The following TRPM2 variants were observed in gnomAD, a reference collection of about 807,000 sequenced individuals.
TRPM2 encodes the protein transient receptor potential cation channel subfamily M member 2.
Under a neutral mutation model 174.0 loss-of-function variants are expected in TRPM2, and 161 were observed. The observed-to-expected ratio is 0.93, with a 90% CI of 0.81 to 1.05. The LOEUF (loss-of-function observed/expected upper bound fraction) is 1.05, where lower values mean the gene tolerates loss of function less well. Ranked by LOEUF, TRPM2 falls within the 50% of genes least tolerant of loss-of-function variation. The pLI is 0.00. For synonymous variants in TRPM2, 954 were observed against 861.3 expected (o/e 1.11, Z -1.88); for missense variants, 2,057 against 2,038.0 (o/e 1.01, Z -0.18).
intron 15 of TRPM2, among the ~76,000 whole-genome samples, chr21:44,401,191 C>T (rs887484847): frequency 3.3e-5 from 5 of 152,134 alleles, no homozygotes; most frequent in Non-Finnish European, 5.9e-5. Flanking sequence ...CCCGTTCCAG[C>T]GGCCCGGGGA....
chr21:44,417,405 G>A, intron 20 of TRPM2, among the ~76,000 whole-genome samples: 1 of 84,142 alleles, frequency 1.2e-5, no homozygotes, highest in Non-Finnish European at 2.3e-5. Flanking sequence ...TCTGCTCTCT[G>A]TGGCATCACA....
rs760177207 is a variant in TRPM2, at chr21:44,418,125, G to A, written c.3328+17G>A. 1 of 1,602,118 alleles carries A rather than the reference G, an allele frequency of 6.2e-7. No individual in the cohort carries two copies. Among genetic ancestry groups the A allele is most frequent in the Non-Finnish European group, 8.5e-7 (1 of 1,173,780 alleles). On this transcript the variant is annotated intron_variant, in intron 21 of 31. Transcript: ENST00000397928. ...AGCAGCTCAGTATGCCAGCCCCAGT[G>A]CCTCTCCTGAATGTCCTGGCCACCC...
Position 44,364,269 on chromosome 21 carries a change from A to G in TRPM2, c.410A>G (p.Gln137Arg). The G allele has an allele frequency of 6.2e-7, 1 of 1,614,176 alleles. No homozygotes were observed. The highest frequency in any genetic ancestry group is 1.1e-5 in the South Asian group (1 of 91,082). ...FGDIVFTGLS[Q>R]KVKKYVRVSQ... ...GACATCGTCTTCACGGGCCTGAGCC[A>G]GAAGGTGAAAAAGGTTGGTTTCCAT... The change falls in exon 3 of 32, where the codon CAG (glutamine) becomes CGG (arginine). Residue 137 changes from glutamine to arginine, a missense_variant. Transcript: ENST00000397928.
At chr21:44,389,936 G>A (rs568392182) in intron 9 of TRPM2, among the ~76,000 whole-genome samples, 5 of 149,902 alleles carry the variant, frequency 3.3e-5, no homozygotes, top group Non-Finnish European at 7.4e-5. Context: ...GCAGTGGCGC[G>A]ATCTCGGATC....
chr21:44,353,911 G>A lies in TRPM2; in HGVS notation c.165+46G>A, dbSNP rs1371462480. ...CCTGCAGTTGGCACGTGGCCACGGA[G>A]GTCACCGTTGGGCAGGTCATAGCTT... On this transcript the variant is annotated intron_variant, in intron 1 of 31. Coordinates refer to ENST00000397928, the MANE Select transcript of TRPM2 (RefSeq NM_003307.4). 6 of 1,578,058 alleles carry A rather than the reference G, an allele frequency of 3.8e-6. No homozygotes were observed. The East Asian group carries it at 7.1e-5, about 19-fold the overall frequency.
intron 26 of TRPM2, 45 bp downstream of exon 26, chr21:44,426,781 A>C: frequency 6.3e-7 from 1 of 1,597,898 alleles, no homozygotes; most frequent in Non-Finnish European, 8.6e-7. Context: ...CCCCAAACCC[A>C]GGGCCTCCTA....
chr21:44,375,801 A>G (rs2048680004), intron 5 of TRPM2, 32 bp from the exon 6 acceptor site: 1 of 1,588,652 alleles, frequency 6.3e-7, no homozygotes, highest in South Asian at 1.1e-5. Context: ...AGCTTTCCAG[A>G]AGCAGTGTCT....
chr21:44,371,828 T>C (rs2048550067), intron 5 of TRPM2, among the ~76,000 whole-genome samples: 1 of 152,192 alleles, frequency 6.6e-6, no homozygotes, highest in Non-Finnish European at 1.5e-5. Context: ...AGGCAAAATA[T>C]GTTCACACCA....
chr21:44,441,804 G>C lies in TRPM2; in HGVS notation c.4499G>C (p.Gly1500Ala), dbSNP rs1290493135. The C allele has an allele frequency of 6.2e-7, 1 of 1,608,996 alleles. No homozygotes were observed. Among genetic ancestry groups the C allele is most frequent in the Admixed American group, 1.7e-5 (1 of 59,544 alleles). Residue 1500 changes from glycine to alanine, a missense_variant, in exon 32 of 32, where the codon GGG becomes GCG. By Grantham distance (60) the Gly-to-Ala change is moderately conservative (BLOSUM62 0). Transcript: ENST00000397928. ...TLLQKAAAEFGAHY is the reference protein window; with the variant it reads ...TLLQKAAAEFAAHY ...CTCCAGAAGGCAGCCGCTGAGTTCG[G>C]GGCTCACTACTGACTGTGCCCTCAG...
chr21:44,406,857 C>A, intron 19 of TRPM2, 92 bp downstream of exon 19: 1 of 1,479,100 alleles, frequency 6.8e-7, no homozygotes, highest in South Asian at 1.2e-5. Flanking sequence ...GTGAGGCCGG[C>A]TCCATCAGGG....
intron 29 of TRPM2, among the ~76,000 whole-genome samples, chr21:44,437,706 A>G (rs1291188479): frequency 6.6e-6 from 1 of 152,182 alleles, no homozygotes; most frequent in Non-Finnish European, 1.5e-5. Context: ...GCACCCCAGC[A>G]TCTTGTGGGG....
At chr21:44,428,611 TAGGTCTGGCCCCTC>T (rs2050904908) in intron 27 of TRPM2, among the ~76,000 whole-genome samples, 1 of 132,836 alleles carries the variant, frequency 7.5e-6, no homozygotes, top group Admixed American at 7.5e-5. Flanking sequence ...CTCCTCCCCT[TAGGTCTGGCCCCTC>T]CCCTGAGGTG....
At position 44,414,017 on chromosome 21, in the gene TRPM2, G is replaced by T; in HGVS notation, c.3089G>T (p.Cys1030Phe). The change falls in exon 20 of 32, where the codon TGC (cysteine) becomes TTC (phenylalanine). Residue 1030 changes from cysteine to phenylalanine, a missense_variant. Physicochemically the swap from Cys to Phe is radical, Grantham distance 205. Transcript: ENST00000397928. ...GAGTGGCTGACGGTCCTCCTACTCT[G>T]CCTCTACCTGCTCTTCACCAACATC... The part of the protein sequence containing the change: ...FPEWLTVLLL[C>F]LYLLFTNILL... The T allele has an allele frequency of 6.2e-7, 1 of 1,613,620 alleles. No individual in the cohort carries two copies. The highest frequency in any genetic ancestry group is 8.5e-7 in the Non-Finnish European group (1 of 1,180,002).
intron 27 of TRPM2, among the ~76,000 whole-genome samples, chr21:44,434,638 G>A (rs1194475076): frequency 6.6e-6 from 1 of 152,148 alleles, no homozygotes; most frequent in African/African-American, 2.4e-5. Flanking sequence ...GGCTCCTGCT[G>A]CCCGTGGTTA....
intron 9 of TRPM2, among the ~76,000 whole-genome samples, chr21:44,389,873 A>AAT (rs2049120374): frequency 7.2e-6 from 1 of 139,342 alleles, no homozygotes; most frequent in African/African-American, 2.7e-5. Flanking sequence ...GAGGCTTAAA[A>AAT]TTTTTTTTTT....
intron 3 of TRPM2, among the ~76,000 whole-genome samples, chr21:44,365,865 C>T (rs1602136164): frequency 2.0e-5 from 3 of 152,362 alleles, no homozygotes; most frequent in African/African-American, 7.2e-5. Flanking sequence ...CCAGCACCTC[C>T]AGATGCCTGG....
chr21:44,377,424 C>T (rs1038205742), intron 6 of TRPM2, among the ~76,000 whole-genome samples: 8 of 152,056 alleles, frequency 5.3e-5, no homozygotes, highest in Admixed American at 1.3e-4. Flanking sequence ...GTGTGGGTGG[C>T]GGGGGGCTCT....
At position 44,391,704 on chromosome 21, in the gene TRPM2, A is replaced by G; in HGVS notation, c.1794+79A>G. 1.5e-6 allele frequency: 2 copies of G among 1,302,468 alleles called. No homozygotes were observed. Among genetic ancestry groups the G allele is most frequent in the Non-Finnish European group, 2.1e-6 (2 of 972,630 alleles). The allele number at this position is 1,302,468 out of a possible 1,614,324, so 80.7% of individuals were successfully genotyped here. A position where few individuals can be genotyped will look rare whatever the true frequency, so the allele number is the denominator to read the frequency against. On this transcript the variant is annotated intron_variant, in intron 11 of 31. Coordinates refer to ENST00000397928, the MANE Select transcript of TRPM2 (RefSeq NM_003307.4). This position sits in a 1 kb window ranked among gnomAD's most constrained non-coding sequence, Gnocchi z 5.0. ...TGTTCTTAGAGCTCTCTGTTTTTAA[A>G]ATTAGCTTTTATTTTTATTAGAAAA... is the stretch of plus-strand genomic sequence containing the variant.
upstream of TRPM2, among the ~76,000 whole-genome samples, chr21:44,352,179 G>A (rs2122999857): frequency 0.019 from 2,945 of 152,336 alleles, 95 homozygotes; most frequent in African/African-American, 0.067. Flanking sequence ...CAGTGGCTGC[G>A]GGGACAGCTC....
Sources: gnomAD v4.1 joint callset for allele counts (sites outside exome capture counted in the v4.1 genomes callset) on GRCh38, gnomAD v4.1.1 for gene constraint, Gnocchi (gnomAD v3.1) non-coding constraint, MANE v1.5 for transcripts, NCBI Gene and HGNC (gene_info 2026-07-23, HGNC 2026-07-21) for gene names.